TRAPPC12: variants seen among roughly 807,000 people sequenced by gnomAD.
TRAPPC12 encodes trafficking protein particle complex subunit 12.
Under a neutral mutation model 69.2 loss-of-function variants are expected in TRAPPC12, and 61 were observed. That is an observed-to-expected ratio of 0.88 (90% CI 0.72 to 1.09). The LOEUF (loss-of-function observed/expected upper bound fraction) is 1.09, where lower values mean the gene tolerates loss of function less well. TRAPPC12 is among the 50% of genes least tolerant of loss of function. The probability of loss-of-function intolerance (pLI) is 0.00; values close to 1 mark genes in which losing one functional copy is unlikely to be tolerated. For missense variants in TRAPPC12, 1,101 were observed against 1,016.4 expected, an observed-to-expected ratio of 1.08 and a Z score of -1.13; for synonymous variants, 469 against 438.9, an observed-to-expected ratio of 1.07 and a Z score of -0.86.
chr2:3,417,271 T>G (rs541677313), intron 3 of TRAPPC12, among the ~76,000 whole-genome samples: 14 of 152,030 alleles, frequency 9.2e-5, no homozygotes, highest in African/African-American at 3.4e-4. Context: ...ACGTTAGTGT[T>G]TTATTGGTTA....
intron 4 of TRAPPC12, among the ~76,000 whole-genome samples, chr2:3,422,466 T>G (rs1558370299): frequency 6.6e-6 from 1 of 152,242 alleles, no homozygotes; most frequent in Non-Finnish European, 1.5e-5. Flanking sequence ...AATAGACTTG[T>G]GAACAAAAGG....
At chr2:3,424,422 A>C in intron 4 of TRAPPC12, 103 bp from the exon 5 acceptor site, 1 of 966,302 alleles carries the variant, frequency 1.0e-6, no homozygotes, top group Non-Finnish European at 1.5e-6. Context: ...CCCTTATTTT[A>C]ATATATGAGA....
At chr2:3,392,440 T>G (rs889110504) in intron 2 of TRAPPC12, among the ~76,000 whole-genome samples, 3 of 152,146 alleles carry the variant, frequency 2.0e-5, no homozygotes, top group African/African-American at 7.2e-5. Context: ...CATGGGCGTG[T>G]TTACCCTAGA....
intron 9 of TRAPPC12, among the ~76,000 whole-genome samples, chr2:3,477,239 T>C (rs1057359888): frequency 3.3e-5 from 5 of 152,266 alleles, no homozygotes; most frequent in Admixed American, 1.3e-4. Flanking sequence ...AGTTGAATTC[T>C]ATATTATTTG....
chr2:3,463,919 A>G (rs574934757), intron 8 of TRAPPC12, among the ~76,000 whole-genome samples: 2 of 152,210 alleles, frequency 1.3e-5, no homozygotes, highest in African/African-American at 4.8e-5. Flanking sequence ...GGCAGCTGCT[A>G]CTTTTCCCCG....
intron 5 of TRAPPC12, among the ~76,000 whole-genome samples, chr2:3,438,508 G>A (rs1664006713): frequency 5.6e-5 from 1 of 18,016 alleles, no homozygotes; most frequent in South Asian, 1.7e-3. Context: ...CGCCACCCCT[G>A]GATCAATCCC....
rs538880668 is a variant in TRAPPC12, at chr2:3,474,916, T to G, written c.1777-2779T>G. On this transcript the variant is annotated intron_variant, in intron 9 of 11. Coordinates refer to ENST00000324266, the MANE Select transcript of TRAPPC12 (RefSeq NM_016030.6). ...GATTTTTCTGTGTTTCTGGGAACCA[T>G]TTTGGTAACTGAGAGTTTTCTAGAA... is the stretch of plus-strand genomic sequence containing the variant. Among the ~76,000 whole-genome samples the G allele has an allele frequency of 3.9e-5, 6 of 152,302 alleles. No homozygotes were observed. In the South Asian group the frequency reaches 1.2e-3, roughly 32 times the overall value.
rs911207308 is a variant in TRAPPC12 at position 3,424,518 on chromosome 2, T to C, written c.1279-7T>C. On this transcript the variant is annotated splice_region_variant and splice_polypyrimidine_tract_variant and intron_variant, in intron 4 of 11. Transcript: ENST00000324266. ...AACCTATTGTTTCCATTGTATTTTG[T>C]TTTTAGCTCTGGTTTGTCAGGCTGG... 1 of 1,611,986 alleles carries C rather than the reference T, an allele frequency of 6.2e-7. No homozygotes were observed. Among genetic ancestry groups the C allele is most frequent in the Non-Finnish European group, 8.5e-7 (1 of 1,179,474 alleles).
chr2:3,469,941 C>T (rs1665988581), intron 9 of TRAPPC12, among the ~76,000 whole-genome samples: 1 of 152,198 alleles, frequency 6.6e-6, no homozygotes, highest in Non-Finnish European at 1.5e-5. Context: ...AGATTAGTTT[C>T]TACTCTTATG....
intron 1 of TRAPPC12, among the ~76,000 whole-genome samples, chr2:3,381,080 C>T (rs1660185887): frequency 2.0e-5 from 3 of 152,220 alleles, no homozygotes; most frequent in Admixed American, 2.0e-4. Context: ...CTGTCACCAT[C>T]AGGTACTGTC....
chr2:3,421,706 C>G, intron 3 of TRAPPC12, 175 bp from the exon 4 acceptor site: 1 of 721,142 alleles, frequency 1.4e-6, no homozygotes, highest in African/African-American at 1.7e-5. Flanking sequence ...GCAGCGTTGA[C>G]AAATGGCATG....
intron 9 of TRAPPC12, among the ~76,000 whole-genome samples, chr2:3,475,242 G>A (rs1414019035): frequency 2.0e-5 from 3 of 151,770 alleles, no homozygotes; most frequent in Non-Finnish European, 4.4e-5. Flanking sequence ...CAGTGCTTAC[G>A]GCCACACCTG....
chr2:3,474,897 T>C (rs2103172790), intron 9 of TRAPPC12, among the ~76,000 whole-genome samples: 1 of 152,332 alleles, frequency 6.6e-6, no homozygotes, highest in Non-Finnish European at 1.5e-5. Flanking sequence ...TGAGGATTTT[T>C]CTGTGTTTCT....
chr2:3,416,242 A>G (rs12476070), intron 3 of TRAPPC12, among the ~76,000 whole-genome samples: 25,629 of 152,168 alleles, frequency 0.17, 2,478 homozygotes, highest in Non-Finnish European at 0.22. Context: ...CAGTATGAAC[A>G]GAGAGCTAAG....
intron 3 of TRAPPC12, among the ~76,000 whole-genome samples, chr2:3,417,241 G>A (rs1662466821): frequency 6.6e-6 from 1 of 152,126 alleles, no homozygotes; most frequent in South Asian, 2.1e-4. Flanking sequence ...AGACAGGTTC[G>A]CGCTGTCCCT....
At chr2:3,465,059 C>T (rs949978296) in intron 8 of TRAPPC12, among the ~76,000 whole-genome samples, 10 of 152,154 alleles carry the variant, frequency 6.6e-5, no homozygotes, top group Non-Finnish European at 1.3e-4. Flanking sequence ...ACGACATTCA[C>T]GCACTCTGCA....
chr2:3,459,988 A>C, intron 7 of TRAPPC12: 1 of 546,760 alleles, frequency 1.8e-6, no homozygotes. Flanking sequence ...CGGTCGGACC[A>C]TTTGGCCTTG....
At chr2:3,473,480 GTTTT>G (rs557824330) in intron 9 of TRAPPC12, among the ~76,000 whole-genome samples, 340 of 152,296 alleles carry the variant, frequency 2.2e-3, no homozygotes, top group Non-Finnish European at 3.9e-3. Flanking sequence ...TTTCTGGTGG[GTTTT>G]TTTGTCTGTT....
At chr2:3,438,205 G>A (rs1663961931) in intron 5 of TRAPPC12, among the ~76,000 whole-genome samples, 1 of 82,770 alleles carries the variant, frequency 1.2e-5, no homozygotes, top group African/African-American at 5.1e-5. Flanking sequence ...ACCACCCCTG[G>A]ATTCATCCCC....
Sources: allele counts gnomAD v4.1 joint callset (sites outside exome capture counted in the v4.1 genomes callset), GRCh38; gene constraint gnomAD v4.1.1; transcripts MANE v1.5; gene names NCBI Gene and HGNC (gene_info 2026-07-23, HGNC 2026-07-21).